GPC5: variants seen among roughly 807,000 people sequenced by gnomAD.
GPC5 encodes glypican-5.
GPC5 carries 47 observed loss-of-function variants against 53.9 expected under a neutral mutation model. The ratio of observed to expected loss-of-function variants is 0.87; its 90% confidence interval spans 0.69 to 1.11. GPC5 has a LOEUF of 1.11. Among genes scored for constraint, GPC5 ranks in the 50% most tolerant of loss-of-function variants. The probability of loss-of-function intolerance (pLI) is 0.00; values close to 1 mark genes in which losing one functional copy is unlikely to be tolerated. For synonymous variants in GPC5, 286 were observed against 263.3 expected (o/e 1.09, Z -0.84); for missense variants, 748 against 713.1 (o/e 1.05, Z -0.56).
At chr13:91,551,764 G>T (rs867637922) in intron 2 of GPC5, among the ~76,000 whole-genome samples, 15 of 152,058 alleles carry the variant, frequency 9.9e-5, no homozygotes, top group Non-Finnish European at 1.5e-4. Flanking sequence ...TAATGAGAAT[G>T]TATTTGGTTC....
intron 7 of GPC5, among the ~76,000 whole-genome samples, chr13:92,758,671 T>C (rs1875018882): frequency 6.6e-6 from 1 of 152,136 alleles, no homozygotes; most frequent in Non-Finnish European, 1.5e-5. Context: ...TTATACTCCT[T>C]AAAATAATCC....
At chr13:92,811,987 A>T (rs985343519) in intron 7 of GPC5, among the ~76,000 whole-genome samples, 1 of 151,880 alleles carries the variant, frequency 6.6e-6, no homozygotes, top group South Asian at 2.1e-4. Flanking sequence ...CACTGTTTTG[A>T]TTATTTTAGC....
At chr13:91,559,212 G>A (rs2031124084) in intron 2 of GPC5, among the ~76,000 whole-genome samples, 1 of 152,134 alleles carries the variant, frequency 6.6e-6, no homozygotes, top group Non-Finnish European at 1.5e-5. Flanking sequence ...AACACCTATG[G>A]TTGACTATGA....
intron 4 of GPC5, among the ~76,000 whole-genome samples, chr13:91,729,677 A>G (rs1244529750): frequency 1.3e-5 from 2 of 152,170 alleles, no homozygotes; most frequent in African/African-American, 4.8e-5. Flanking sequence ...TTTATTTTAC[A>G]TGTAAAGTAG....
chr13:91,398,857 T>G lies in GPC5; in HGVS notation c.-190T>G. 1.6e-6 allele frequency: 1 copy of G among 611,062 alleles called. No homozygotes were observed. The highest frequency in any genetic ancestry group is 2.8e-6 in the Non-Finnish European group (1 of 363,582). The allele number at this position is 611,062 out of a possible 1,614,324, so 37.9% of individuals were successfully genotyped here. On this transcript the variant is annotated 5_prime_UTR_variant, in exon 1 of 8. Transcript: ENST00000377067. ...AGCTGGAAAACTCTGGTGTCTCAGC[T>G]TAGGGCCTCCTCCGGGAAGAGCTAA...
At chr13:91,877,761 A>C (rs1015332102) in intron 5 of GPC5, among the ~76,000 whole-genome samples, 1 of 152,198 alleles carries the variant, frequency 6.6e-6, no homozygotes, top group Non-Finnish European at 1.5e-5. Flanking sequence ...ATGTGAGGAC[A>C]TAAGATTTGG....
intron 2 of GPC5, among the ~76,000 whole-genome samples, chr13:91,581,343 T>A (rs187186813): frequency 6.6e-6 from 1 of 152,222 alleles, no homozygotes. Flanking sequence ...TTTGGCCCCA[T>A]CATGGTCAGC....
chr13:92,324,619 A>T (rs2043237986), intron 7 of GPC5, among the ~76,000 whole-genome samples: 1 of 149,950 alleles, frequency 6.7e-6, no homozygotes, highest in African/African-American at 2.5e-5. Context: ...TCAATGGAAT[A>T]GCTGTACTAC....
intron 2 of GPC5, among the ~76,000 whole-genome samples, chr13:91,508,903 A>G (rs1885088980): frequency 6.6e-6 from 1 of 152,196 alleles, no homozygotes; most frequent in Non-Finnish European, 1.5e-5. Context: ...CCCAAAAAGC[A>G]TCATTAGGTT....
At chr13:92,555,825 C>A (rs1882474715) in intron 7 of GPC5, among the ~76,000 whole-genome samples, 1 of 150,430 alleles carries the variant, frequency 6.6e-6, no homozygotes, top group Admixed American at 6.7e-5. Flanking sequence ...AATACATCTG[C>A]TACAGGGGTT....
chr13:92,321,109 T>C (rs2043212785), intron 7 of GPC5, among the ~76,000 whole-genome samples: 3 of 152,182 alleles, frequency 2.0e-5, no homozygotes. Context: ...GGCTACCTTT[T>C]AACACATGGT....
At chr13:92,380,754 G>T (rs1425859200) in intron 7 of GPC5, among the ~76,000 whole-genome samples, 1 of 123,056 alleles carries the variant, frequency 8.1e-6, no homozygotes, top group Non-Finnish European at 1.6e-5. Context: ...TCTGGGGACT[G>T]TTGTGGGGTG....
intron 6 of GPC5, among the ~76,000 whole-genome samples, chr13:91,959,446 G>T (rs1021349185): frequency 6.6e-6 from 1 of 152,040 alleles, no homozygotes; most frequent in Admixed American, 6.6e-5. Flanking sequence ...TGACTTCACT[G>T]CCAAATTCTA....
intron 7 of GPC5, among the ~76,000 whole-genome samples, chr13:92,579,316 TCCCTCC>T (rs1402927393): frequency 2.7e-4 from 25 of 91,218 alleles, no homozygotes; most frequent in South Asian, 4.7e-4. Context: ...CCTCCCTCCC[TCCCTCC>T]CTCTCTCTCT....
At chr13:92,611,560 A>C (rs57896578) in intron 7 of GPC5, among the ~76,000 whole-genome samples, 5,454 of 151,890 alleles carry the variant, frequency 0.036, 164 homozygotes, top group Admixed American at 0.1. Context: ...AAATGTCTAT[A>C]AAATGGAATC....
At chr13:92,078,339 G>A (rs570367098) in intron 6 of GPC5, among the ~76,000 whole-genome samples, 1 of 152,106 alleles carries the variant, frequency 6.6e-6, no homozygotes. Flanking sequence ...ATGCTACTGC[G>A]ACTCTTATTC....
At chr13:92,176,825 C>A (rs1157759482) in intron 7 of GPC5, among the ~76,000 whole-genome samples, 1 of 152,120 alleles carries the variant, frequency 6.6e-6, no homozygotes, top group African/African-American at 2.4e-5. Context: ...TTACTGGAGA[C>A]CTAGGTATAC....
At chr13:91,758,059 A>G (rs2037332741) in intron 5 of GPC5, among the ~76,000 whole-genome samples, 1 of 152,092 alleles carries the variant, frequency 6.6e-6, no homozygotes, top group Non-Finnish European at 1.5e-5. Context: ...CAGAAAAAAA[A>G]ATTGAAGACA....
At chr13:92,499,306 A>G (rs1382444932) in intron 7 of GPC5, among the ~76,000 whole-genome samples, 1 of 152,148 alleles carries the variant, frequency 6.6e-6, no homozygotes, top group East Asian at 1.9e-4. Context: ...TGTTACTGGC[A>G]ATGACATATT....
Sources: allele counts gnomAD v4.1 joint callset (sites outside exome capture counted in the v4.1 genomes callset), GRCh38; gene constraint gnomAD v4.1.1; transcripts MANE v1.5; gene names NCBI Gene and HGNC (gene_info 2026-07-23, HGNC 2026-07-21).